RFX3: variants seen among roughly 807,000 people sequenced by gnomAD.
RFX3 encodes transcription factor RFX3.
In RFX3, 14 loss-of-function variants were observed where a neutral mutation model predicts 98.6. That is an observed-to-expected ratio of 0.14 (90% CI 0.09 to 0.22). The LOEUF (loss-of-function observed/expected upper bound fraction) is 0.22. RFX3 is among the 10% of genes least tolerant of loss of function. RFX3 has a pLI of 1.00. For missense variants in RFX3, 639 were observed against 926.9 expected (o/e 0.69, Z 4.03); for synonymous variants, 383 against 328.4 (o/e 1.17, Z -1.80).
intron 15 of RFX3, among the ~76,000 whole-genome samples, chr9:3,236,896 A>G (rs529573931): frequency 6.6e-6 from 1 of 152,358 alleles, no homozygotes; most frequent in African/African-American, 2.4e-5. Context: ...ACATTTTGCC[A>G]GTTTCTGTGA....
At chr9:3,341,814 C>A (rs1244243079) in intron 3 of RFX3, among the ~76,000 whole-genome samples, 1 of 152,136 alleles carries the variant, frequency 6.6e-6, no homozygotes, top group African/African-American at 2.4e-5. Context: ...CAAATCAACT[C>A]CTATACCAGT....
intron 1 of RFX3, among the ~76,000 whole-genome samples, chr9:3,487,795 T>C (rs1214420149): frequency 6.6e-6 from 1 of 152,202 alleles, no homozygotes; most frequent in Non-Finnish European, 1.5e-5. Context: ...ATTAAAAATA[T>C]GATTTAAAAA....
intron 1 of RFX3, among the ~76,000 whole-genome samples, chr9:3,456,928 C>G (rs1473343701): frequency 6.6e-6 from 1 of 151,770 alleles, no homozygotes; most frequent in Non-Finnish European, 1.5e-5. Flanking sequence ...GCGGGTGGAT[C>G]ATGAGGTCAA....
chr9:3,308,268 A>G (rs1829559828), intron 4 of RFX3, among the ~76,000 whole-genome samples: 1 of 152,224 alleles, frequency 6.6e-6, no homozygotes, highest in Admixed American at 6.5e-5. Context: ...ATAAGACTCT[A>G]TGGCAACTCC....
intron 4 of RFX3, among the ~76,000 whole-genome samples, chr9:3,302,939 A>G (rs1828839164): frequency 6.6e-6 from 1 of 151,832 alleles, no homozygotes; most frequent in Non-Finnish European, 1.5e-5. Context: ...AATAAAACAT[A>G]ATACTGAAAA....
chr9:3,402,174 G>C (rs537706578), intron 1 of RFX3, among the ~76,000 whole-genome samples: 1 of 152,174 alleles, frequency 6.6e-6, no homozygotes, highest in Admixed American at 6.5e-5. Context: ...CTTAAAAATA[G>C]GTAGTATCCA....
intron 1 of RFX3, among the ~76,000 whole-genome samples, chr9:3,447,610 ACTT>A (rs1403656368): frequency 6.6e-6 from 1 of 152,166 alleles, no homozygotes; most frequent in African/African-American, 2.4e-5. Context: ...GAGGTAACCG[ACTT>A]CTTAACTTAT....
At chr9:3,502,184 G>T (rs905132867) in intron 1 of RFX3, among the ~76,000 whole-genome samples, 2 of 151,538 alleles carry the variant, frequency 1.3e-5, no homozygotes, top group Non-Finnish European at 2.9e-5. Flanking sequence ...GTGTGAACCC[G>T]GGAGGCGGAG....
chr9:3,253,268 G>A (rs186964333), intron 14 of RFX3, among the ~76,000 whole-genome samples: 13 of 152,298 alleles, frequency 8.5e-5, no homozygotes, highest in African/African-American at 2.9e-4. Context: ...CATCACGCCT[G>A]TGATCCTTAT....
chr9:3,277,292 CTT>C, intron 8 of RFX3, 46 bp downstream of exon 8: 7 of 1,592,542 alleles, frequency 4.4e-6, no homozygotes, highest in Non-Finnish European at 6.0e-6. Context: ...AAAAGACTAA[CTT>C]TTCAAAATCC....
intron 2 of RFX3, 74 bp from the exon 3 acceptor site, chr9:3,346,838 A>C: frequency 5.8e-5 from 52 of 891,228 alleles, no homozygotes; most frequent in Non-Finnish European, 8.1e-5. Flanking sequence ...GATCTATCTC[A>C]AAGGTTTATC....
intron 9 of RFX3, among the ~76,000 whole-genome samples, chr9:3,274,047 G>GT (rs1824883443): frequency 6.6e-6 from 1 of 152,086 alleles, no homozygotes; most frequent in South Asian, 2.1e-4. Context: ...TCTAATATGG[G>GT]TAAAAGCATA....
At chr9:3,502,370 T>A (rs1314268087) in intron 1 of RFX3, among the ~76,000 whole-genome samples, 1 of 152,152 alleles carries the variant, frequency 6.6e-6, no homozygotes, top group Non-Finnish European at 1.5e-5. Context: ...TAATTGAGGA[T>A]AATGAAAAGG....
chr9:3,466,063 C>G lies in RFX3; in HGVS notation c.-9+59684G>C, dbSNP rs540401261. Among the ~76,000 whole-genome samples the G allele has an allele frequency of 4.6e-5, 7 of 152,212 alleles. No homozygotes were observed. The East Asian group carries it at 1.4e-3, about 29-fold the overall frequency. Reference sequence around the variant, plus strand: ...TATTCAAACAGCATTCATTAAGTACCTATTTATGCCATGCATAGTACAGAA... The same window carrying G: ...TATTCAAACAGCATTCATTAAGTACGTATTTATGCCATGCATAGTACAGAA... On this transcript the variant is annotated intron_variant, in intron 1 of 16. Coordinates refer to ENST00000617270, the MANE Select transcript of RFX3 (RefSeq NM_001282116.2).
At chr9:3,428,605 A>T (rs1844339973) in intron 1 of RFX3, among the ~76,000 whole-genome samples, 1 of 152,184 alleles carries the variant, frequency 6.6e-6, no homozygotes, top group Non-Finnish European at 1.5e-5. Context: ...TAGAAAATTC[A>T]GAAAATCTCA....
At chr9:3,247,436 G>A in intron 15 of RFX3, 1 of 735,516 alleles carries the variant, frequency 1.4e-6, no homozygotes, top group African/African-American at 1.9e-5. Context: ...ACCTTTCTGT[G>A]CCTTAGCTTT....
intron 15 of RFX3, among the ~76,000 whole-genome samples, chr9:3,232,854 G>A (rs1818656102): frequency 6.6e-6 from 1 of 152,046 alleles, no homozygotes; most frequent in South Asian, 2.1e-4. Flanking sequence ...GAAGGGAACA[G>A]AGAGAGACAG....
intron 14 of RFX3, among the ~76,000 whole-genome samples, chr9:3,256,101 G>A (rs993618805): frequency 6.6e-5 from 10 of 152,158 alleles, no homozygotes; most frequent in African/African-American, 2.2e-4. Flanking sequence ...AGAGTAGCTG[G>A]GACTACAGGC....
chr9:3,503,049 C>CAT (rs1251719128), intron 1 of RFX3, among the ~76,000 whole-genome samples: 1 of 152,166 alleles, frequency 6.6e-6, no homozygotes, highest in Non-Finnish European at 1.5e-5. Context: ...TTATACCTCA[C>CAT]ATATCTTTTC....
Sources: allele counts gnomAD v4.1 joint callset (sites outside exome capture counted in the v4.1 genomes callset), GRCh38; gene constraint gnomAD v4.1.1; transcripts MANE v1.5; gene names NCBI Gene and HGNC (gene_info 2026-07-23, HGNC 2026-07-21).